Variants in CATSPERT observed in about 807,000 individuals in gnomAD.
CATSPERT encodes cation channel sperm-associated targeting subunit tau.
At chr2:201,613,278 T>C in the CATSPERT span, among the ~76,000 whole-genome samples, 3 of 152,094 alleles carry the variant, frequency 2.0e-5, no homozygotes, top group Admixed American at 2.0e-4. Context: ...GACCCCCGAG[T>C]AGCCTAACTG....
chr2:201,493,270 A>G, the CATSPERT span: 5 of 1,536,484 alleles, frequency 3.3e-6, no homozygotes, highest in African/African-American at 5.5e-5. Context: ...TTTATTTGCT[A>G]TTGAATAATA....
the CATSPERT span, among the ~76,000 whole-genome samples, chr2:201,573,222 T>G: frequency 6.6e-6 from 1 of 152,208 alleles, no homozygotes; most frequent in Admixed American, 6.5e-5. Context: ...GAGAAAAGGA[T>G]ATAAGTTAGT....
At chr2:201,536,200 G>T in the CATSPERT span, 3 of 1,613,230 alleles carry the variant, frequency 1.9e-6, no homozygotes, top group Admixed American at 5.0e-5. Flanking sequence ...CACAATGAGT[G>T]CACTTCTGTG....
At chr2:201,560,450 T>C in the CATSPERT span, among the ~76,000 whole-genome samples, 4 of 41,850 alleles carry the variant, frequency 9.6e-5, no homozygotes, top group South Asian at 8.6e-4. Flanking sequence ...ATAATAATAA[T>C]AATAATAATA....
chr2:201,536,322 T>C, the CATSPERT span: 1 of 1,582,330 alleles, frequency 6.3e-7, no homozygotes, highest in Non-Finnish European at 8.6e-7. Context: ...ATCCAGTAAC[T>C]AGAAAATACA....
At chr2:201,547,589 T>G in the CATSPERT span, 138 of 1,522,820 alleles carry the variant, frequency 9.1e-5, no homozygotes, top group Admixed American at 2.8e-3. Context: ...GATTTCTATA[T>G]TCTTTTTTCA....
chr2:201,511,863 A>AC, the CATSPERT span: 8 of 125,602 alleles, frequency 6.4e-5, no homozygotes, highest in Non-Finnish European at 9.5e-5. Flanking sequence ...AAAAAAAAAA[A>AC]AAAAAAAAAA....
chr2:201,601,110 C>T, the CATSPERT span, among the ~76,000 whole-genome samples: 1 of 152,036 alleles, frequency 6.6e-6, no homozygotes, highest in Non-Finnish European at 1.5e-5. Context: ...TAAACAGAAA[C>T]ATAGTAAGTG....
chr2:201,594,807 C>T, the CATSPERT span, among the ~76,000 whole-genome samples: 11 of 152,228 alleles, frequency 7.2e-5, no homozygotes, highest in Middle Eastern at 0.02. Flanking sequence ...ACGTAGTTCT[C>T]GAGCCTTGGT....
chr2:201,588,674 T>C, the CATSPERT span, among the ~76,000 whole-genome samples: 45 of 148,980 alleles, frequency 3.0e-4, 1 homozygote, highest in East Asian at 8.4e-3. Flanking sequence ...TCCAAACCAA[T>C]TCCCTATTCC....
the CATSPERT span, among the ~76,000 whole-genome samples, chr2:201,495,685 G>GTTTT: frequency 2.3e-4 from 30 of 131,138 alleles, no homozygotes; most frequent in African/African-American, 7.5e-4. Context: ...AATCCCCTTG[G>GTTTT]TTTTTTTTTT....
At chr2:201,561,096 A>G in the CATSPERT span, among the ~76,000 whole-genome samples, 8 of 152,186 alleles carry the variant, frequency 5.3e-5, no homozygotes, top group Non-Finnish European at 1.0e-4. Flanking sequence ...CATGAATTCA[A>G]TTACACTCTT....
At chr2:201,589,804 AC>A in the CATSPERT span, among the ~76,000 whole-genome samples, 1 of 151,556 alleles carries the variant, frequency 6.6e-6, no homozygotes, top group Non-Finnish European at 1.5e-5. Flanking sequence ...AAAATAATCA[AC>A]AGAGTAAACA....
At chr2:201,602,089 C>T in the CATSPERT span, among the ~76,000 whole-genome samples, 8 of 152,212 alleles carry the variant, frequency 5.3e-5, no homozygotes, top group African/African-American at 1.7e-4. Context: ...TTCTTCCTTA[C>T]ATCCCTTATA....
chr2:201,519,188 C>G, the CATSPERT span, among the ~76,000 whole-genome samples: 4 of 152,164 alleles, frequency 2.6e-5, no homozygotes, highest in East Asian at 7.7e-4. Context: ...AAACTTTGCC[C>G]ACCACCAGCA....
chr2:201,609,860 T>C, the CATSPERT span, among the ~76,000 whole-genome samples: 1 of 151,414 alleles, frequency 6.6e-6, no homozygotes, highest in African/African-American at 2.4e-5. Flanking sequence ...GTAATTGAAA[T>C]AGAACCTTTA....
chr2:201,565,822 T>G, the CATSPERT span: 4 of 1,611,842 alleles, frequency 2.5e-6, no homozygotes, highest in Non-Finnish European at 3.4e-6. Context: ...AACATTCAGG[T>G]CTGGGGATAA....
At chr2:201,535,511 T>C in the CATSPERT span, 1 of 925,032 alleles carries the variant, frequency 1.1e-6, no homozygotes, top group Non-Finnish European at 1.3e-6. Flanking sequence ...ATAATAGTTT[T>C]ATTAAGAATT....
chr2:201,610,622 A>G, the CATSPERT span, among the ~76,000 whole-genome samples: 1 of 152,210 alleles, frequency 6.6e-6, no homozygotes, highest in Non-Finnish European at 1.5e-5. Context: ...TGAGGCCAGT[A>G]TTACCCTGAT....
Sources: allele counts gnomAD v4.1 joint callset (sites outside exome capture counted in the v4.1 genomes callset), GRCh38; gene constraint gnomAD v4.1.1; transcripts MANE v1.5; gene names NCBI Gene and HGNC (gene_info 2026-07-23, HGNC 2026-07-21).